NEK5: variants seen among roughly 807,000 people sequenced by gnomAD.
The protein encoded by NEK5 is NIMA related kinase 5.
Under a neutral mutation model 109.2 loss-of-function variants are expected in NEK5, and 88 were observed. That is an observed-to-expected ratio of 0.81 (90% confidence interval 0.68 to 0.96). NEK5 has a LOEUF of 0.96. Among genes scored for constraint, NEK5 ranks in the 40% least tolerant of loss-of-function variants. NEK5 has a pLI of 0.00. For synonymous variants in NEK5, 283 were observed against 299.9 expected (o/e 0.94, Z 0.58); for missense variants, 834 against 920.7 (o/e 0.91, Z 1.22).
At chr13:52,104,598 T>C (rs893594085) in intron 8 of NEK5, 46 bp from the exon 9 acceptor site, 5 of 1,341,784 alleles carry the variant, frequency 3.7e-6, no homozygotes, top group Non-Finnish European at 5.3e-6. Context: ...TCCATAATTC[T>C]TAATAAAAGC....
chr13:52,117,934 T>C (rs1955893797), intron 4 of NEK5, among the ~76,000 whole-genome samples: 2 of 152,222 alleles, frequency 1.3e-5, no homozygotes, highest in African/African-American at 4.8e-5. Context: ...CAGTATCCAA[T>C]GGACAGGAAT....
intron 20 of NEK5, among the ~76,000 whole-genome samples, chr13:52,071,602 C>T (rs1023472589): frequency 1.3e-5 from 2 of 152,190 alleles, no homozygotes; most frequent in Non-Finnish European, 2.9e-5. Context: ...GGGAAGAGCA[C>T]AGAAGAGCTT....
intron 3 of NEK5, among the ~76,000 whole-genome samples, chr13:52,125,352 A>G (rs1956044950): frequency 6.6e-6 from 1 of 152,220 alleles, no homozygotes; most frequent in South Asian, 2.1e-4. Flanking sequence ...TCACGAAGTC[A>G]GGAGATTGAG....
At chr13:52,100,016 T>A in intron 11 of NEK5, 140 bp from the exon 12 acceptor site, 1 of 564,512 alleles carries the variant, frequency 1.8e-6, no homozygotes, top group Non-Finnish European at 2.9e-6. Context: ...TTACACACAG[T>A]GAGAGTACTG....
intron 13 of NEK5, among the ~76,000 whole-genome samples, chr13:52,089,769 C>T (rs963491928): frequency 6.6e-6 from 1 of 151,950 alleles, no homozygotes; most frequent in Non-Finnish European, 1.5e-5. Context: ...GGGTGGATCA[C>T]GAGGTCAGGA....
intron 20 of NEK5, among the ~76,000 whole-genome samples, chr13:52,069,529 T>C (rs1322922627): frequency 1.3e-5 from 2 of 152,208 alleles, no homozygotes; most frequent in East Asian, 3.8e-4. Flanking sequence ...TTCAGTCTTA[T>C]ATAGAATCTG....
At chr13:52,046,096 C>T (rs954333077) in intron 23 of NEK5, among the ~76,000 whole-genome samples, 2 of 150,226 alleles carry the variant, frequency 1.3e-5, no homozygotes, top group African/African-American at 4.9e-5. Context: ...AAAGTTGGAT[C>T]CACACTTTGT....
rs745913526 is a variant in NEK5 at position 52,102,137 on chromosome 13, T to A, written c.765A>T (p.Lys255Asn). The A allele has an allele frequency of 1.9e-6, 3 of 1,613,934 alleles. No individual in the cohort carries two copies. The highest frequency in any genetic ancestry group is 2.5e-6 in the Non-Finnish European group (3 of 1,179,964). Reference protein sequence around the residue: ...RDRPSINSILKRPFLENLIPK... With the variant: ...RDRPSINSILNRPFLENLIPK... ...GAATAAGATTCTCTAAAAAGGGCCT[T>A]TTCAAAATGGAATTTATGGATGGTC... Residue 255 changes from lysine to asparagine, a missense_variant, in exon 10 of 24, where the codon AAA becomes AAT. Around this residue, in one of 2 missense-constraint regions of NEK5, gnomAD observed 777 missense variants for 824.7 expected, o/e 0.94. Transcript: ENST00000684899.
intron 12 of NEK5, among the ~76,000 whole-genome samples, 197 bp from the exon 13 acceptor site, chr13:52,093,432 C>T (rs1167607887): frequency 1.3e-5 from 2 of 151,946 alleles, no homozygotes; most frequent in East Asian, 1.9e-4. Context: ...TGGTGGCGCA[C>T]GCCTGTAATC....
At chr13:52,096,817 C>A (rs929527710) in intron 12 of NEK5, among the ~76,000 whole-genome samples, 1 of 152,172 alleles carries the variant, frequency 6.6e-6, no homozygotes, top group South Asian at 2.1e-4. Flanking sequence ...ATGTTGTTAG[C>A]CAAGATAATG....
At chr13:52,066,758 C>A (rs1998696) in intron 20 of NEK5, among the ~76,000 whole-genome samples, 62,612 of 150,762 alleles carry the variant, frequency 0.42, 14,898 homozygotes, top group Non-Finnish European at 0.54. Context: ...GAGCCGAGAT[C>A]ACGCCTTTGC....
In NEK5 at chr13:52,095,790, C is replaced by T. The variant is rs372649087; in HGVS notation, c.1027-2555G>A. On this transcript the variant is annotated intron_variant, in intron 12 of 23. Coordinates refer to ENST00000684899, the MANE Select transcript of NEK5 (RefSeq NM_001365552.1). The stretch of plus-strand genomic sequence containing the variant: ...AGTATAGCTATTCAGGAGGCTGAGA[C>T]GGTAGGATCACTTGAGCCTGGGAGG... Among the ~76,000 whole-genome samples the T allele has an allele frequency of 5.3e-5, 8 of 152,258 alleles. No homozygotes were observed. The South Asian group carries it at 6.2e-4, about 12-fold the overall frequency.
chr13:52,047,045 C>T (rs1230013628), intron 23 of NEK5, among the ~76,000 whole-genome samples: 1 of 151,720 alleles, frequency 6.6e-6, no homozygotes, highest in Non-Finnish European at 1.5e-5. Context: ...CTATCATGAA[C>T]TGACTTTTAT....
chr13:52,112,896 C>T (rs1593995016), intron 4 of NEK5, among the ~76,000 whole-genome samples: 1 of 152,202 alleles, frequency 6.6e-6, no homozygotes, highest in Non-Finnish European at 1.5e-5. Flanking sequence ...GCCCCATCAA[C>T]GTTACCACTA....
intron 21 of NEK5, among the ~76,000 whole-genome samples, chr13:52,064,304 A>G (rs1954649127): frequency 8.4e-6 from 1 of 118,994 alleles, no homozygotes; most frequent in Non-Finnish European, 1.8e-5. Context: ...CCCTACTGGG[A>G]AGTGAGGAGC....
At chr13:52,072,498 A>G (rs1954800646) in intron 19 of NEK5, among the ~76,000 whole-genome samples, 1 of 152,352 alleles carries the variant, frequency 6.6e-6, no homozygotes, top group Admixed American at 6.5e-5. Flanking sequence ...AAAGCAAAGA[A>G]TAAGAAAGAG....
chr13:52,081,665 T>C (rs1292594154), intron 17 of NEK5, among the ~76,000 whole-genome samples: 2 of 152,332 alleles, frequency 1.3e-5, no homozygotes, highest in East Asian at 1.9e-4. Flanking sequence ...ATTACCACCA[T>C]TGGCATTTTG....
chr13:52,052,179 T>A (rs1345059951), intron 22 of NEK5, among the ~76,000 whole-genome samples: 2 of 147,520 alleles, frequency 1.4e-5, no homozygotes, highest in Non-Finnish European at 3.0e-5. Context: ...TGATTTCTCA[T>A]GTCTCCCTAA....
chr13:52,110,656 T>C (rs1955740700), intron 5 of NEK5, 79 bp from the exon 6 acceptor site: 6 of 769,388 alleles, frequency 7.8e-6, no homozygotes, highest in South Asian at 7.8e-5. Flanking sequence ...TGCAAAAAGA[T>C]AGAAATTATA....
Sources: gnomAD v4.1 joint callset for allele counts (sites outside exome capture counted in the v4.1 genomes callset) on GRCh38, gnomAD v4.1.1 for gene constraint, gnomAD v4.1.1 regional missense constraint, MANE v1.5 for transcripts, NCBI Gene and HGNC (gene_info 2026-07-23, HGNC 2026-07-21) for gene names.